Variants in SNRNP200 observed in about 807,000 individuals in gnomAD.
The protein encoded by SNRNP200 is U5 small nuclear ribonucleoprotein 200 kDa helicase.
A neutral mutation model predicts 255.2 loss-of-function variants in SNRNP200; 66 were observed. The observed-to-expected ratio is 0.26, with a 90% CI of 0.21 to 0.32. The LOEUF (loss-of-function observed/expected upper bound fraction) is 0.32, where lower values mean the gene tolerates loss of function less well. Ranked by LOEUF, SNRNP200 falls within the 10% of genes least tolerant of loss-of-function variation. The pLI is 1.00. For missense variants in SNRNP200, 1,585 were observed against 2,749.8 expected, an observed-to-expected ratio of 0.58 and a Z score of 9.47; for synonymous variants, 939 against 1,027.8, an observed-to-expected ratio of 0.91 and a Z score of 1.65.
At chr2:96,285,889 T>G (rs1236032148) in intron 29 of SNRNP200, among the ~76,000 whole-genome samples, 1 of 152,186 alleles carries the variant, frequency 6.6e-6, no homozygotes, top group Non-Finnish European at 1.5e-5. Flanking sequence ...CCTTTTAGGC[T>G]TGATGGGAGG....
chr2:96,278,079 G>C lies in SNRNP200; in HGVS notation c.5611-129C>G, dbSNP rs928183147. 5 of 1,527,686 alleles carry C rather than the reference G, an allele frequency of 3.3e-6. No homozygotes were observed. In the African/African-American group the frequency reaches 6.8e-5, roughly 21 times the overall value. 94.6% of individuals were successfully genotyped at this position (1,527,686 alleles called of 1,614,324 possible). On this transcript the variant is annotated intron_variant, in intron 39 of 44. Transcript: ENST00000323853. The surrounding 1 kb of genome is among the most constrained non-coding windows in gnomAD (Gnocchi z 6.9). ...CCCTGAGGCATGTGGGTGGTAATGG[G>C]ATGGAGATGGGTTTGAGGGAGGTAT...
chr2:96,283,317 T>C lies in SNRNP200; in HGVS notation c.4799A>G (p.Tyr1600Cys). The C allele has an allele frequency of 6.2e-7, 1 of 1,614,066 alleles. No homozygotes were observed. The highest frequency in any genetic ancestry group is 8.5e-7 in the Non-Finnish European group (1 of 1,180,016). ...LHCTEKDLIP[Y>C]LEKLSDSTLK... ...CGTGCTGTCACTTAGCTTCTCCAGGTACGGAATCAGATCCTTCTCGGTGCA... is the reference window on the plus strand; with the variant it reads ...CGTGCTGTCACTTAGCTTCTCCAGGCACGGAATCAGATCCTTCTCGGTGCA... The change falls in exon 34 of 45, where the codon TAC becomes TGC. Residue 1600 changes from tyrosine (Y) to cysteine (C), a missense_variant. Physicochemically the swap from Tyr to Cys is radical, Grantham distance 194 (BLOSUM62 -2). Transcript: ENST00000323853. This position sits in a 1 kb window ranked among gnomAD's most constrained non-coding sequence, Gnocchi z 4.7.
At position 96,283,189 on chromosome 2, in the gene SNRNP200, G is replaced by A; in HGVS notation, c.4915+12C>T. On this transcript the variant is annotated intron_variant, in intron 34 of 44. Coordinates refer to ENST00000323853, the MANE Select transcript of SNRNP200 (RefSeq NM_014014.5). This position sits in a 1 kb window ranked among gnomAD's most constrained non-coding sequence, Gnocchi z 4.7. ...TACCCTTGCTATGCTCCCCTTCCGT[G>A]GCCTGACTTACCTGAGCTGAAGAGC... 1 of 1,613,852 alleles carries A rather than the reference G, an allele frequency of 6.2e-7. No individual in the cohort carries two copies. The highest frequency in any genetic ancestry group is 2.2e-5 in the East Asian group (1 of 44,882).
At chr2:96,276,442 G>GAGATGA (rs1297242648) in intron 43 of SNRNP200, 1 of 62,362 alleles carries the variant, frequency 1.6e-5, no homozygotes, top group African/African-American at 6.3e-5. Context: ...TTTTTTTTTT[G>GAGATGA]AGATGAAGTC....
chr2:96,298,228 A>C, intron 9 of SNRNP200, 56 bp downstream of exon 9: 1 of 1,612,394 alleles, frequency 6.2e-7, no homozygotes, highest in Non-Finnish European at 8.5e-7. Flanking sequence ...TCATGCTGCA[A>C]TCTTCTAGCC....
At chr2:96,300,892 TA>T in intron 5 of SNRNP200, 105 bp downstream of exon 5, 1 of 965,328 alleles carries the variant, frequency 1.0e-6, no homozygotes, top group Non-Finnish European at 1.7e-6. Flanking sequence ...TACAACACCA[TA>T]AAATTTATCT....
Position 96,290,455 on chromosome 2 carries a change from T to A in SNRNP200, c.2613A>T (p.Thr871=). 1 of 1,614,190 alleles carries A rather than the reference T, an allele frequency of 6.2e-7. No individual in the cohort carries two copies. Among genetic ancestry groups the A allele is most frequent in the Non-Finnish European group, 8.5e-7 (1 of 1,180,020 alleles). The part of the protein sequence containing the change: ...YDTKGEGILI[T]SHGELQYYLS... Reference sequence around the variant, plus strand: ...GGTAGTACTGTAGCTCCCCATGAGATGTGATGAGTATGCCTTCACCCTTGG... The same window carrying A: ...GGTAGTACTGTAGCTCCCCATGAGAAGTGATGAGTATGCCTTCACCCTTGG... The change falls in exon 20 of 45, where the codon ACA becomes ACT. Residue 871 remains threonine (T), a synonymous_variant. Coordinates refer to ENST00000323853, the MANE Select transcript of SNRNP200 (RefSeq NM_014014.5). This position sits in a 1 kb window ranked among gnomAD's most constrained non-coding sequence, Gnocchi z 4.5.
intron 36 of SNRNP200, 32 bp downstream of exon 36, chr2:96,279,419 G>T: frequency 7.3e-7 from 1 of 1,370,194 alleles, no homozygotes; most frequent in South Asian, 1.2e-5. Context: ...TGAGGCTACG[G>T]ATCCAAGAGG....
Position 96,297,445 on chromosome 2 carries a change from T to C in SNRNP200, c.1295A>G (p.Asp432Gly). 6.2e-7 allele frequency: 1 copy of C among 1,614,160 alleles called. No homozygotes were observed. Among genetic ancestry groups the C allele is most frequent in the Non-Finnish European group, 8.5e-7 (1 of 1,180,020 alleles). Reference protein sequence around the residue: ...FMANKRCQLPDGSFRRQRKGY... With the variant: ...FMANKRCQLPGGSFRRQRKGY... ...CTTACGCTGGCGACGGAAGGATCCA[T>C]CAGGAAGCTGACAGCGTTTATTGGC... The change falls in exon 11 of 45, where the codon GAT (aspartate) becomes GGT (glycine). Residue 432 changes from aspartate to glycine, a missense_variant. Transcript: ENST00000323853.
chr2:96,292,063 A>G (rs1187224426), intron 16 of SNRNP200, among the ~76,000 whole-genome samples, 163 bp from the exon 17 acceptor site: 1 of 152,218 alleles, frequency 6.6e-6, no homozygotes, highest in African/African-American at 2.4e-5. Context: ...ACACGGCTGG[A>G]AAGACTTTTA....
intron 13 of SNRNP200, 35 bp downstream of exon 13, chr2:96,296,501 C>T (rs1256752045): frequency 3.1e-6 from 5 of 1,611,148 alleles, no homozygotes; most frequent in South Asian, 1.1e-5. Flanking sequence ...ATAGGTGCAC[C>T]CAGTATCCTC....
chr2:96,304,760 T>A lies in SNRNP200; in HGVS notation c.154A>T (p.Met52Leu). 1 of 1,614,192 alleles carries A rather than the reference T, an allele frequency of 6.2e-7. No homozygotes were observed. The highest frequency in any genetic ancestry group is 2.2e-5 in the East Asian group (1 of 44,892). The change falls in exon 2 of 45, where the codon ATG (methionine) becomes TTG (leucine). Residue 52 changes from methionine (M) to leucine (L), a missense_variant. Met to Leu is a conservative substitution (Grantham distance 15, BLOSUM62 2). Transcript: ENST00000323853. ...SLVGKLEGTR[M>L]GDKAQRTKPQ... Reference sequence around the variant, plus strand: ...TTGGTCCGTTGAGCCTTGTCTCCCATACGGGTGCCCTCCAGCTTCCCAACA... The same window carrying A: ...TTGGTCCGTTGAGCCTTGTCTCCCAAACGGGTGCCCTCCAGCTTCCCAACA...
rs2063879904 is a variant in SNRNP200, at chr2:96,290,873, C to A, written c.2422-58G>T. ...AGATGCCATCACCAGGGGTTAATAT[C>A]CCTGGCTTCTCTAGGCAGTTGGCCT... is the stretch of plus-strand genomic sequence containing the variant. On this transcript the variant is annotated intron_variant, in intron 18 of 44. Coordinates refer to ENST00000323853, the MANE Select transcript of SNRNP200 (RefSeq NM_014014.5). This position sits in a 1 kb window ranked among gnomAD's most constrained non-coding sequence, Gnocchi z 4.5. The A allele has an allele frequency of 1.9e-6, 3 of 1,611,038 alleles. No homozygotes were observed. Among genetic ancestry groups the A allele is most frequent in the Non-Finnish European group, 2.5e-6 (3 of 1,178,268 alleles).
At chr2:96,305,106 C>G (rs577374205) in intron 1 of SNRNP200, among the ~76,000 whole-genome samples, 6 of 152,198 alleles carry the variant, frequency 3.9e-5, no homozygotes, top group Non-Finnish European at 7.3e-5. Context: ...CAGCGCCCAT[C>G]ATAACCCACA....
rs1448801629 is a variant in SNRNP200 at position 96,286,984 on chromosome 2, C to T, written c.3639+22G>A. Reference sequence around the variant, plus strand: ...TAGACTGAGCACCTCCAATCCAGCACCTCTGCCCAGCAAAGCCTCACCTTT... The same window carrying T: ...TAGACTGAGCACCTCCAATCCAGCATCTCTGCCCAGCAAAGCCTCACCTTT... On this transcript the variant is annotated intron_variant, in intron 27 of 44. Transcript: ENST00000323853. The surrounding 1 kb of genome is among the most constrained non-coding windows in gnomAD (Gnocchi z 4.8). The T allele has an allele frequency of 3.7e-6, 6 of 1,614,046 alleles. No homozygotes were observed. The Admixed American group carries it at 6.7e-5, about 18-fold the overall frequency.
At position 96,277,695 on chromosome 2, in the gene SNRNP200, G is replaced by C. The variant is rs72825880; in HGVS notation, c.5775C>G (p.Ala1925=). 30,887 of 1,614,128 alleles carry C rather than the reference G, an allele frequency of 0.019. 366 individuals carry two copies. Among genetic ancestry groups the C allele is most frequent in the Non-Finnish European group, 0.022 (25,981 of 1,180,032 alleles). ...CATTGCTGGAAAGGACATCCACGCA[G>C]GCCTGGATGAGCCGGATTGCCTGAA... is the stretch of plus-strand genomic sequence containing the variant. ...ILSKAIRLIQ[A]CVDVLSSNGW... The change falls in exon 41 of 45, where the codon GCC becomes GCG. Residue 1925 remains alanine, a synonymous_variant. Transcript: ENST00000323853. This position sits in a 1 kb window ranked among gnomAD's most constrained non-coding sequence, Gnocchi z 4.4.
chr2:96,295,338 A>G, intron 14 of SNRNP200, 150 bp downstream of exon 14: 1 of 1,443,240 alleles, frequency 6.9e-7, no homozygotes, highest in South Asian at 1.1e-5. Context: ...ATCGTGGAGA[A>G]GATGGATCTC....
chr2:96,292,870 T>C, intron 16 of SNRNP200, 102 bp downstream of exon 16: 7 of 1,378,978 alleles, frequency 5.1e-6, no homozygotes, highest in African/African-American at 1.4e-5. Flanking sequence ...TGATTTATGT[T>C]GTGTCTTCTC....
chr2:96,283,492 C>T lies in SNRNP200; in HGVS notation c.4763+43G>A. ...GGACACCCTTGGAGTAGGCCAGCCTCACTTAACCTAACCCCAACCCCCAGA... is the reference window on the plus strand; with the variant it reads ...GGACACCCTTGGAGTAGGCCAGCCTTACTTAACCTAACCCCAACCCCCAGA... On this transcript the variant is annotated intron_variant, in intron 33 of 44. Transcript: ENST00000323853. The surrounding 1 kb of genome is among the most constrained non-coding windows in gnomAD (Gnocchi z 4.7). 3 of 1,613,880 alleles carry T rather than the reference C, an allele frequency of 1.9e-6. No homozygotes were observed. Among genetic ancestry groups the T allele is most frequent in the South Asian group, 2.2e-5 (2 of 91,068 alleles).
Sources: gnomAD v4.1 joint callset for allele counts (sites outside exome capture counted in the v4.1 genomes callset) on GRCh38, gnomAD v4.1.1 for gene constraint, Gnocchi (gnomAD v3.1) non-coding constraint, MANE v1.5 for transcripts, NCBI Gene and HGNC (gene_info 2026-07-23, HGNC 2026-07-21) for gene names.